The following ZNF730 variants were observed in gnomAD, a reference collection of about 807,000 sequenced individuals.
ZNF730 encodes zinc finger protein 730.
A neutral mutation model predicts 12.6 loss-of-function variants in ZNF730; 12 were observed. The observed-to-expected ratio is 0.95, with a 90% CI of 0.61 to 1.54. ZNF730 has a LOEUF of 1.54. Among genes scored for constraint, ZNF730 ranks in the 40% most tolerant of loss-of-function variants. ZNF730 has a pLI of 0.00. For missense variants in ZNF730, 643 were observed against 583.5 expected (o/e 1.10, Z -1.05); for synonymous variants, 194 against 195.8 (o/e 0.99, Z 0.08).
At chr19:23,141,055 A>C (rs1172698456) in intron 3 of ZNF730, among the ~76,000 whole-genome samples, 1 of 151,978 alleles carries the variant, frequency 6.6e-6, no homozygotes, top group African/African-American at 2.4e-5. Flanking sequence ...TTGAGCCCCA[A>C]AATTTGAGAC....
chr19:23,094,241 C>T (rs1446530566), intron 1 of ZNF730, among the ~76,000 whole-genome samples: 2 of 150,756 alleles, frequency 1.3e-5, no homozygotes, highest in African/African-American at 4.9e-5. Context: ...CTGTTATGCT[C>T]CTTCCTGCAT....
Position 23,145,402 on chromosome 19 carries a change from G to A in ZNF730, c.358G>A (p.Val120Met). 6.3e-7 allele frequency: 1 copy of A among 1,588,676 alleles called. No homozygotes were observed. Among genetic ancestry groups the A allele is most frequent in the South Asian group, 1.1e-5 (1 of 88,212 alleles). ...NLLLRKGCKN[V>M]DEFKMHKKGY... ...ACTGTTAAGAAAAGGCTGTAAAAAT[G>A]TGGATGAGTTTAAGATGCACAAAAA... Residue 120 changes from valine to methionine, a missense_variant, in exon 4 of 4, where the codon GTG (valine) becomes ATG (methionine). Transcript: ENST00000597761.
Position 23,146,613 on chromosome 19 carries a change from G to A in ZNF730, c.*57G>A. 6.3e-7 allele frequency: 1 copy of A among 1,580,550 alleles called. No individual in the cohort carries two copies. The highest frequency in any genetic ancestry group is 2.2e-5 in the East Asian group (1 of 44,574). ...AATCTTTATACCTTACTACACATAA[G>A]ATAATTCATACTGAAGAGAAACCCT... is the stretch of plus-strand genomic sequence containing the variant. On this transcript the variant is annotated 3_prime_UTR_variant, in exon 4 of 4. Transcript: ENST00000597761.
chr19:23,082,438 C>T (rs905684006), intron 1 of ZNF730, among the ~76,000 whole-genome samples: 3 of 151,134 alleles, frequency 2.0e-5, no homozygotes, highest in African/African-American at 7.3e-5. Flanking sequence ...CCTCTGCCTC[C>T]CAGGTTCAAG....
At chr19:23,076,874 G>T (rs892280378) in intron 1 of ZNF730, among the ~76,000 whole-genome samples, 1 of 152,056 alleles carries the variant, frequency 6.6e-6, no homozygotes, top group Non-Finnish European at 1.5e-5. Context: ...CTACTATAAA[G>T]ACACGTGCAT....
intron 1 of ZNF730, among the ~76,000 whole-genome samples, chr19:23,130,807 C>G (rs553745338): frequency 6.6e-6 from 1 of 152,216 alleles, no homozygotes; most frequent in African/African-American, 2.4e-5. Flanking sequence ...GGAAATATCC[C>G]CATTGGCATA....
chr19:23,140,692 G>A lies in ZNF730; in HGVS notation c.227-4579G>A, dbSNP rs1180519794. Among the ~76,000 whole-genome samples the A allele has an allele frequency of 5.3e-5, 8 of 151,554 alleles. No homozygotes were observed. In the East Asian group the frequency reaches 7.8e-4, roughly 15 times the overall value. The stretch of plus-strand genomic sequence containing the variant: ...TTTAAGGCCGGGCGTGGTGGCTCAC[G>A]TCTGTAATCCCAGCACTTTGGGAGG... On this transcript the variant is annotated intron_variant, in intron 3 of 3. Coordinates refer to ENST00000597761, the MANE Select transcript of ZNF730 (RefSeq NM_001277403.2).
intron 1 of ZNF730, among the ~76,000 whole-genome samples, chr19:23,092,508 G>C (rs1048207296): frequency 6.6e-6 from 1 of 152,178 alleles, no homozygotes; most frequent in South Asian, 2.1e-4. Context: ...AGAATCACTT[G>C]AACCCAGGAG....
At chr19:23,138,893 A>T (rs1037970825) in intron 3 of ZNF730, among the ~76,000 whole-genome samples, 3 of 152,052 alleles carry the variant, frequency 2.0e-5, no homozygotes, top group African/African-American at 7.2e-5. Context: ...TTTTTCAGGG[A>T]TTGCTGACAG....
In ZNF730 at chr19:23,145,744, G is replaced by A. The variant is rs1284566800; in HGVS notation, c.700G>A (p.Gly234Ser). 6.4e-7 allele frequency: 1 copy of A among 1,563,340 alleles called. No homozygotes were observed. The highest frequency in any genetic ancestry group is 1.4e-5 in the African/African-American group (1 of 73,328). Reference protein sequence around the residue: ...EKKPYKCKECGKAFNWFSHFT... With the variant: ...EKKPYKCKECSKAFNWFSHFT... ...AAAACCTTACAAATGTAAAGAATGT[G>A]GCAAAGCCTTTAACTGGTTTTCACA... The change falls in exon 4 of 4, where the codon GGC becomes AGC. Residue 234 changes from glycine to serine, a missense_variant. By Grantham distance (56) the Gly-to-Ser change is moderately conservative (BLOSUM62 0). Transcript: ENST00000597761.
chr19:23,075,701 G>A (rs983038512), intron 1 of ZNF730, among the ~76,000 whole-genome samples: 2 of 152,134 alleles, frequency 1.3e-5, no homozygotes, highest in Non-Finnish European at 2.9e-5. Flanking sequence ...GTGTGCGTGG[G>A]AGGAGCTGCG....
At chr19:23,134,278 C>A in intron 2 of ZNF730, 72 bp downstream of exon 2, 3 of 1,283,350 alleles carry the variant, frequency 2.3e-6, no homozygotes, top group Non-Finnish European at 3.2e-6. Flanking sequence ...AAATTCTGTG[C>A]TTTCAGATCC....
intron 1 of ZNF730, among the ~76,000 whole-genome samples, chr19:23,129,989 G>A (rs867416136): frequency 2.4e-5 from 3 of 123,976 alleles, no homozygotes; most frequent in Non-Finnish European, 5.1e-5. Flanking sequence ...GCGAGACTCC[G>A]CCTCAAAAAA....
At chr19:23,107,951 T>C (rs1243400681) in intron 1 of ZNF730, among the ~76,000 whole-genome samples, 1 of 152,134 alleles carries the variant, frequency 6.6e-6, no homozygotes, top group Non-Finnish European at 1.5e-5. Context: ...TTCCAGAAAA[T>C]GTCCCCTCAC....
chr19:23,126,866 A>G, intron 1 of ZNF730: 1 of 532,192 alleles, frequency 1.9e-6, no homozygotes, highest in South Asian at 1.5e-5. Context: ...TAGACCTTCA[A>G]TACAGGAGAT....
chr19:23,131,678 A>C (rs533764826), intron 1 of ZNF730, among the ~76,000 whole-genome samples: 8 of 152,220 alleles, frequency 5.3e-5, no homozygotes, highest in East Asian at 1.9e-4. Flanking sequence ...ACTAATGCTA[A>C]TAATGACCCC....
upstream of ZNF730, among the ~76,000 whole-genome samples, chr19:23,113,656 T>C (rs894032359): frequency 5.9e-5 from 9 of 152,348 alleles, no homozygotes; most frequent in East Asian, 3.9e-4. Flanking sequence ...CTGTAGGTTT[T>C]GTTTTTCTTC....
chr19:23,077,598 C>T (rs995240008), intron 1 of ZNF730, among the ~76,000 whole-genome samples: 13 of 151,898 alleles, frequency 8.6e-5, no homozygotes, highest in African/African-American at 1.2e-4. Context: ...CCAGCCAACA[C>T]ACCCGGCTAA....
chr19:23,095,117 A>C, intron 1 of ZNF730: 1 of 360,600 alleles, frequency 2.8e-6, no homozygotes, highest in Non-Finnish European at 4.9e-6. Context: ...CCCAACTCAC[A>C]GAAGGGATTG....
Sources: gnomAD v4.1 joint callset for allele counts (sites outside exome capture counted in the v4.1 genomes callset) on GRCh38, gnomAD v4.1.1 for gene constraint, MANE v1.5 for transcripts, NCBI Gene and HGNC (gene_info 2026-07-23, HGNC 2026-07-21) for gene names.